Variants in COL4A3 observed in about 807,000 individuals in gnomAD.
COL4A3 encodes collagen alpha-3(IV) chain.
A neutral mutation model predicts 217.4 loss-of-function variants in COL4A3; 135 were observed. The ratio of observed to expected loss-of-function variants is 0.62; its 90% CI spans 0.54 to 0.72. COL4A3 has a LOEUF of 0.72. COL4A3 is among the 30% of genes least tolerant of loss of function. COL4A3 has a pLI of 0.00. For missense variants in COL4A3, 1,868 were observed against 2,119.9 expected (o/e 0.88, Z 2.33); for synonymous variants, 690 against 736.3 (o/e 0.94, Z 1.02).
rs77387055 is a variant in COL4A3, at chr2:227,191,610, A to T, written c.87+26797A>T. On this transcript the variant is annotated intron_variant, in intron 1 of 51. Coordinates refer to ENST00000396578, the MANE Select transcript of COL4A3 (RefSeq NM_000091.5). This position sits in a 1 kb window ranked among gnomAD's most constrained non-coding sequence, Gnocchi z 6.8. ...AGCAAATCAGGATGATCAGATTTCAAAGTCGGCCAAATAACTCATCTTGGA... is the reference window on the plus strand; with the variant it reads ...AGCAAATCAGGATGATCAGATTTCATAGTCGGCCAAATAACTCATCTTGGA... 6.6e-6 allele frequency among the ~76,000 whole-genome samples: 1 copy of T among 152,352 alleles called. No individual in the cohort carries two copies. The highest frequency in any genetic ancestry group is 1.5e-5 in the Non-Finnish European group (1 of 68,034).
At position 227,251,380 on chromosome 2, in the gene COL4A3, C is replaced by T. The variant is rs1176175356; in HGVS notation, c.645+9C>T. On this transcript the variant is annotated intron_variant, in intron 11 of 51. Coordinates refer to ENST00000396578, the MANE Select transcript of COL4A3 (RefSeq NM_000091.5). Reference sequence around the variant, plus strand: ...GACCTAGAGGACCTAAGGTAGACTACAGTTCATATGATGTAACAGCTAGCA... The same window carrying T: ...GACCTAGAGGACCTAAGGTAGACTATAGTTCATATGATGTAACAGCTAGCA... 1.9e-6 allele frequency: 3 copies of T among 1,611,878 alleles called. No individual in the cohort carries two copies. The highest frequency in any genetic ancestry group is 2.7e-5 in the African/African-American group (2 of 74,866).
intron 1 of COL4A3, among the ~76,000 whole-genome samples, chr2:227,237,066 A>AG (rs1257117939): frequency 5.3e-5 from 8 of 152,332 alleles, no homozygotes; most frequent in South Asian, 4.1e-4. Flanking sequence ...GAATGTGCAT[A>AG]GGTGTGAGGG....
rs1262681864 is a variant in COL4A3, at chr2:227,253,299, C to T, written c.649C>T (p.His217Tyr). ...GAMGPRGPKG[H>Y]MGERVIGHKG... ...TTGGTTTTGTGTTTTCTTACAGGGT[C>T]ACATGGGTGAAAGAGTGATAGGACA... Residue 217 changes from histidine to tyrosine, a missense_variant, in exon 12 of 52, where the codon CAC (histidine) becomes TAC (tyrosine). Coordinates refer to ENST00000396578, the MANE Select transcript of COL4A3 (RefSeq NM_000091.5). This position sits in a 1 kb window ranked among gnomAD's most constrained non-coding sequence, Gnocchi z 4.4. The T allele has an allele frequency of 6.2e-7, 1 of 1,613,470 alleles. No individual in the cohort carries two copies.
chr2:227,293,472 T>C (rs977900176), intron 38 of COL4A3, among the ~76,000 whole-genome samples, 155 bp downstream of exon 38: 1 of 152,222 alleles, frequency 6.6e-6, no homozygotes, highest in Non-Finnish European at 1.5e-5. Context: ...CTAAGAGAAT[T>C]CATTAAGAGA....
intron 1 of COL4A3, among the ~76,000 whole-genome samples, chr2:227,195,578 TTGATAA>T (rs2066433140): frequency 6.6e-6 from 1 of 152,108 alleles, no homozygotes; most frequent in Non-Finnish European, 1.5e-5. Context: ...TACATAATAC[TTGATAA>T]TGACGATAAA....
intron 1 of COL4A3, among the ~76,000 whole-genome samples, chr2:227,216,229 G>A (rs1053183246): frequency 1.3e-5 from 2 of 152,152 alleles, no homozygotes; most frequent in African/African-American, 4.8e-5. Context: ...ATTTGGCAAG[G>A]TGCATCCTTC....
intron 1 of COL4A3, among the ~76,000 whole-genome samples, chr2:227,172,444 G>T (rs75275497): frequency 0.049 from 7,525 of 152,088 alleles, 234 homozygotes; most frequent in Admixed American, 0.087. Context: ...AGGTAGTTCG[G>T]CGGGGGTGGT....
Position 227,280,013 on chromosome 2 carries a change from AAG to A in COL4A3, c.2223+125_2223+126del. On this transcript the variant is annotated intron_variant, in intron 29 of 51. Transcript: ENST00000396578. Reference sequence around the variant, plus strand: ...ATGATCAATATATTTGTAGATGATGAAGATATTAAATTTTTTAAATGTTTCTC... The same window carrying A: ...ATGATCAATATATTTGTAGATGATGAATATTAAATTTTTTAAATGTTTCTC... The A allele has an allele frequency of 6.0e-6, 4 of 667,674 alleles. No individual in the cohort carries two copies. The South Asian group carries it at 7.9e-5, about 13-fold the overall frequency. 41.4% of individuals were successfully genotyped at this position (667,674 alleles called of 1,614,324 possible).
intron 1 of COL4A3, among the ~76,000 whole-genome samples, chr2:227,174,606 A>T (rs1446371649): frequency 6.6e-6 from 1 of 152,070 alleles, no homozygotes; most frequent in African/African-American, 2.4e-5. Context: ...TCCCAGGTTC[A>T]AGTGATCCTC....
intron 39 of COL4A3, 111 bp from the exon 40 acceptor site, chr2:227,294,853 A>T: frequency 1.1e-6 from 1 of 884,630 alleles, no homozygotes; most frequent in Non-Finnish European, 1.9e-6. Flanking sequence ...CAGCCTGTTT[A>T]ACACAATTCC....
chr2:227,295,163 A>T (rs1390557788), intron 40 of COL4A3, 101 bp downstream of exon 40: 1 of 1,503,604 alleles, frequency 6.7e-7, no homozygotes, highest in Non-Finnish European at 9.3e-7. Context: ...TCTCTGATAG[A>T]ACTGATTATC....
Position 227,289,233 on chromosome 2 carries a change from C to G in COL4A3, c.2965C>G (p.Pro989Ala), listed in dbSNP as rs774477588. The change falls in exon 35 of 52, where the codon CCA becomes GCA. Residue 989 changes from proline to alanine, a missense_variant. Pro to Ala is a conservative substitution (Grantham distance 27, BLOSUM62 -1). This residue lies in a region of COL4A3 where 1,503 missense variants were observed against 1,786.1 expected (regional missense o/e 0.84). Coordinates refer to ENST00000396578, the MANE Select transcript of COL4A3 (RefSeq NM_000091.5). ...AAAGGGCCTCAAAGGACTACCCGGACCAGCAGGACCACCAGGTACAGCTGA... is the reference window on the plus strand; with the variant it reads ...AAAGGGCCTCAAAGGACTACCCGGAGCAGCAGGACCACCAGGTACAGCTGA... Reference protein sequence around the residue: ...GLKGLKGLPGPAGPPGPRGDL... With the variant: ...GLKGLKGLPGAAGPPGPRGDL... 6.2e-7 allele frequency: 1 copy of G among 1,613,328 alleles called. No individual in the cohort carries two copies.
chr2:227,177,707 C>T (rs961096210), intron 1 of COL4A3, among the ~76,000 whole-genome samples: 3 of 152,134 alleles, frequency 2.0e-5, no homozygotes, highest in Admixed American at 1.3e-4. Flanking sequence ...GTGCACCGTT[C>T]TGAGTAGCAT....
intron 30 of COL4A3, 84 bp from the exon 31 acceptor site, chr2:227,280,809 A>C: frequency 2.6e-6 from 3 of 1,146,268 alleles, no homozygotes; most frequent in East Asian, 2.6e-5. Flanking sequence ...GGTGGAAAAA[A>C]AGTTAACAGA....
intron 1 of COL4A3, among the ~76,000 whole-genome samples, chr2:227,166,915 A>G (rs2065299101): frequency 6.6e-6 from 1 of 152,192 alleles, no homozygotes; most frequent in Non-Finnish European, 1.5e-5. Flanking sequence ...ATGAGAGTTG[A>G]AACCCCAGTG....
intron 5 of COL4A3, chr2:227,245,678 T>G (rs78040760): frequency 8.0e-6 from 4 of 502,104 alleles, no homozygotes; most frequent in Non-Finnish European, 1.1e-5. Flanking sequence ...CTCCCCAGCT[T>G]AAAACAGCAT....
rs202081573 is a variant in COL4A3, at chr2:227,260,160, C to T, written c.1114+283C>T. ...GAGGGCAGGAGGAGGGAGTGCAAGG[C>T]ATTGGCAATCTCAATGGGATTACGA... is the stretch of plus-strand genomic sequence containing the variant. On this transcript the variant is annotated intron_variant, in intron 19 of 51. Transcript: ENST00000396578. 1.9e-5 allele frequency: 11 copies of T among 574,752 alleles called. No homozygotes were observed. In the East Asian group the frequency reaches 3.7e-4, roughly 19 times the overall value. 35.6% of individuals were successfully genotyped at this position (574,752 alleles called of 1,614,324 possible).
At position 227,263,947 on chromosome 2, in the gene COL4A3, A is replaced by G. The variant is rs1192592757; in HGVS notation, c.1315+3A>G. ...ACCGGGACCTCCAGGACCGCCAGGTAAAGATGTGGAAGGGGACCCCTTTTG... is the reference window on the plus strand; with the variant it reads ...ACCGGGACCTCCAGGACCGCCAGGTGAAGATGTGGAAGGGGACCCCTTTTG... On this transcript the variant is annotated splice_donor_region_variant and intron_variant, in intron 21 of 51. Transcript: ENST00000396578. 1.2e-6 allele frequency: 2 copies of G among 1,613,946 alleles called. No individual in the cohort carries two copies. Among genetic ancestry groups the G allele is most frequent in the Non-Finnish European group, 1.7e-6 (2 of 1,179,948 alleles).
rs1431423014 is a variant in COL4A3 at position 227,295,280 on chromosome 2, G to T, written c.3529G>T (p.Ala1177Ser). 6.2e-7 allele frequency: 1 copy of T among 1,614,002 alleles called. No individual in the cohort carries two copies. Among genetic ancestry groups the T allele is most frequent in the East Asian group, 2.2e-5 (1 of 44,886 alleles). The change falls in exon 41 of 52, where the codon GCC becomes TCC. Residue 1177 changes from alanine (A) to serine (S), a missense_variant. Coordinates refer to ENST00000396578, the MANE Select transcript of COL4A3 (RefSeq NM_000091.5). ...ATTATCTCTTTCAGGTTTATTGAGG[G>T]CCCCTCCAGGCCCAAGAGGGAACCC... ...GEKGETGLLR[A>S]PPGPRGNPGA...
Sources: gnomAD v4.1 joint callset for allele counts (sites outside exome capture counted in the v4.1 genomes callset) on GRCh38, gnomAD v4.1.1 for gene constraint, gnomAD v4.1.1 regional missense constraint, Gnocchi (gnomAD v3.1) non-coding constraint, MANE v1.5 for transcripts, NCBI Gene and HGNC (gene_info 2026-07-23, HGNC 2026-07-21) for gene names.